GABRA3: variants seen among roughly 807,000 people sequenced by gnomAD.
GABRA3 encodes the protein gamma-aminobutyric acid receptor subunit alpha-3.
GABRA3 carries 10 observed loss-of-function variants against 30.1 expected under a neutral mutation model. The ratio of observed to expected loss-of-function variants is 0.33; its 90% CI spans 0.20 to 0.56. The LOEUF is 0.56. Among genes scored for constraint, GABRA3 ranks in the 20% least tolerant of loss-of-function variants. GABRA3 has a pLI of 0.89. For missense variants in GABRA3, 233 were observed against 392.0 expected (o/e 0.59, Z 3.42); for synonymous variants, 151 against 146.8 (o/e 1.03, Z -0.21).
intron 4 of GABRA3, among the ~76,000 whole-genome samples, chrX:152,270,630 G>A (rs1272171413): frequency 9.0e-6 from 1 of 110,900 alleles, no homozygotes; most frequent in Non-Finnish European, 1.9e-5. Flanking sequence ...CAAGGCCAGT[G>A]GATCACTTGA....
intron 1 of GABRA3, among the ~76,000 whole-genome samples, chrX:152,397,408 T>G (rs1929687776): frequency 8.9e-6 from 1 of 112,200 alleles, no homozygotes. Flanking sequence ...TCTTTTTCCT[T>G]TTTAGAATAT....
At chrX:152,293,014 G>A (rs746686026) in intron 3 of GABRA3, among the ~76,000 whole-genome samples, 1 of 111,413 alleles carries the variant, frequency 9.0e-6, no homozygotes, top group East Asian at 2.8e-4. Context: ...GTGCTGAAAA[G>A]AATGTATATT....
At chrX:152,305,507 A>T (rs1186543908) in intron 3 of GABRA3, among the ~76,000 whole-genome samples, 1 of 111,877 alleles carries the variant, frequency 8.9e-6, no homozygotes. Flanking sequence ...ATTTAAATTA[A>T]TTTCATCTTT....
At chrX:152,405,983 T>C (rs921446215) in intron 1 of GABRA3, among the ~76,000 whole-genome samples, 2 of 110,674 alleles carry the variant, frequency 1.8e-5, no homozygotes, top group Non-Finnish European at 3.8e-5. Flanking sequence ...TTCTAATTAA[T>C]GGAAAGAGAG....
intron 4 of GABRA3, among the ~76,000 whole-genome samples, chrX:152,282,444 C>G (rs1441148365): frequency 9.0e-6 from 1 of 111,591 alleles, no homozygotes; most frequent in Non-Finnish European, 1.9e-5. Flanking sequence ...TCAAAACACC[C>G]GAAATATGCT....
At chrX:152,332,006 ATCT>A (rs1453749758) in intron 3 of GABRA3, among the ~76,000 whole-genome samples, 2 of 112,285 alleles carry the variant, frequency 1.8e-5, no homozygotes, top group African/African-American at 3.2e-5. Context: ...ACTACCACAC[ATCT>A]TCTTTAATTC....
chrX:152,321,940 C>T (rs975177918), intron 3 of GABRA3, among the ~76,000 whole-genome samples: 1 of 111,687 alleles, frequency 9.0e-6, no homozygotes, highest in African/African-American at 3.3e-5. Context: ...TTAAAAGTTT[C>T]TCAAACATTT....
At chrX:152,239,035 G>T (rs527902470) in intron 5 of GABRA3, among the ~76,000 whole-genome samples, 1 of 108,240 alleles carries the variant, frequency 9.2e-6, no homozygotes, top group African/African-American at 3.4e-5. Flanking sequence ...CCTTCTGCTA[G>T]CTGTTGAATG....
At chrX:152,410,770 T>C (rs902317364) in intron 1 of GABRA3, among the ~76,000 whole-genome samples, 1 of 109,991 alleles carries the variant, frequency 9.1e-6, no homozygotes, top group Non-Finnish European at 1.9e-5. Flanking sequence ...CAAAAACATT[T>C]CCCCAAAGAA....
chrX:152,182,308 T>TACAC (rs1243698405), intron 9 of GABRA3, among the ~76,000 whole-genome samples: 5 of 94,907 alleles, frequency 5.3e-5, no homozygotes, highest in Non-Finnish European at 1.0e-4. Context: ...GTTATATATA[T>TACAC]ATATACACAC....
At chrX:152,221,943 G>A (rs1182139155) in intron 6 of GABRA3, among the ~76,000 whole-genome samples, 5 of 111,432 alleles carry the variant, frequency 4.5e-5, no homozygotes, top group Non-Finnish European at 9.4e-5. Context: ...ATCATTTAGC[G>A]CCTGCTTATA....
At chrX:152,373,860 G>A (rs1041309143) in intron 1 of GABRA3, among the ~76,000 whole-genome samples, 3 of 104,825 alleles carry the variant, frequency 2.9e-5, no homozygotes, top group African/African-American at 1.1e-4. Context: ...TCTCACCCAT[G>A]AGTGAGAACA....
chrX:152,199,480 A>C (rs948110255), intron 7 of GABRA3, among the ~76,000 whole-genome samples: 1 of 71,935 alleles, frequency 1.4e-5, no homozygotes, highest in Non-Finnish European at 2.9e-5. Context: ...GGCAAGGGAC[A>C]GATTTTTCCC....
At chrX:152,444,392 A>T (rs1348643376) in intron 1 of GABRA3, among the ~76,000 whole-genome samples, 1 of 111,978 alleles carries the variant, frequency 8.9e-6, no homozygotes, top group Admixed American at 9.5e-5. Flanking sequence ...ACTACAAGGA[A>T]GGGGAACAGC....
chrX:152,294,375 T>G (rs772066937), intron 3 of GABRA3, among the ~76,000 whole-genome samples: 408 of 111,369 alleles, frequency 3.7e-3, no homozygotes, highest in Non-Finnish European at 5.8e-3. Context: ...TTTCATTAAT[T>G]TGATCTTCAA....
At chrX:152,293,974 T>C (rs1409359916) in intron 3 of GABRA3, among the ~76,000 whole-genome samples, 2 of 112,147 alleles carry the variant, frequency 1.8e-5, no homozygotes, top group Non-Finnish European at 3.8e-5. Flanking sequence ...TTCTGGCCTG[T>C]AGAGTTTCTG....
At chrX:152,277,918 G>C (rs1234122517) in intron 4 of GABRA3, among the ~76,000 whole-genome samples, 1 of 111,377 alleles carries the variant, frequency 9.0e-6, no homozygotes, top group African/African-American at 3.3e-5. Flanking sequence ...AGTTTATTCA[G>C]CTTTAGCAGT....
intron 6 of GABRA3, among the ~76,000 whole-genome samples, chrX:152,220,336 T>C (rs769574704): frequency 1.4e-3 from 154 of 111,988 alleles, no homozygotes; most frequent in Non-Finnish European, 2.5e-3. Context: ...TATACACTTA[T>C]GTGTTTGGCT....
chrX:152,199,063 C>T (rs747048248), intron 7 of GABRA3, among the ~76,000 whole-genome samples: 12 of 111,336 alleles, frequency 1.1e-4, no homozygotes, highest in African/African-American at 2.0e-4. Context: ...GAGAAGGATA[C>T]GTAAAAAGCA....
Sources: allele counts gnomAD v4.1 joint callset (sites outside exome capture counted in the v4.1 genomes callset), GRCh38; gene constraint gnomAD v4.1.1; transcripts MANE v1.5; gene names NCBI Gene and HGNC (gene_info 2026-07-23, HGNC 2026-07-21).